MIB1: variants seen among roughly 807,000 people sequenced by gnomAD.
MIB1 encodes the protein E3 ubiquitin-protein ligase MIB1.
A neutral mutation model predicts 124.5 loss-of-function variants in MIB1; 278 were observed. That is an observed-to-expected ratio of 2.23 (90% CI 2.02 to 2.47). MIB1 has a LOEUF of 2.47. Among genes scored for constraint, MIB1 ranks in the 30% most tolerant of loss-of-function variants. MIB1 has a pLI of 0.00. For synonymous variants in MIB1, 446 were observed against 429.4 expected, an observed-to-expected ratio of 1.04 and a Z score of -0.48; for missense variants, 957 against 1,254.4, an observed-to-expected ratio of 0.76 and a Z score of 3.58.
chr18:21,848,186 G>T (rs758937411), intron 16 of MIB1, among the ~76,000 whole-genome samples: 5 of 152,188 alleles, frequency 3.3e-5, no homozygotes, highest in Non-Finnish European at 5.9e-5. Context: ...TCGGCCGGGC[G>T]TGGTGGCTCA....
At chr18:21,708,838 A>G (rs1360568728) in intron 1 of MIB1, among the ~76,000 whole-genome samples, 1 of 152,190 alleles carries the variant, frequency 6.6e-6, no homozygotes, top group Non-Finnish European at 1.5e-5. Context: ...TACATTACAA[A>G]AAGTGTGGTG....
chr18:21,723,510 C>T (rs2040723931), intron 1 of MIB1, among the ~76,000 whole-genome samples: 1 of 151,952 alleles, frequency 6.6e-6, no homozygotes, highest in African/African-American at 2.4e-5. Context: ...TGTGTATATA[C>T]ATATCTATAA....
At chr18:21,791,998 A>G (rs1461718966) in intron 7 of MIB1, among the ~76,000 whole-genome samples, 1 of 152,212 alleles carries the variant, frequency 6.6e-6, no homozygotes, top group Non-Finnish European at 1.5e-5. Context: ...AAAGAGCTAC[A>G]GTTTTTTATT....
chr18:21,864,599 G>C lies in MIB1; in HGVS notation c.2954G>C (p.Cys985Ser). 6.2e-7 allele frequency: 1 copy of C among 1,613,612 alleles called. No homozygotes were observed. Among genetic ancestry groups the C allele is most frequent in the Non-Finnish European group, 8.5e-7 (1 of 1,179,540 alleles). Residue 985 changes from cysteine (C) to serine (S), a missense_variant, in exon 21 of 21, where the codon TGT becomes TCT. Coordinates refer to ENST00000261537, the MANE Select transcript of MIB1 (RefSeq NM_020774.4). Reference protein sequence around the residue: ...FLCGHGTCQLCGDRMSECPIC... With the variant: ...FLCGHGTCQLSGDRMSECPIC... ...TGTGGTCACGGAACCTGTCAACTCT[G>C]TGGAGACCGCATGAGTGAATGTCCT... is the stretch of plus-strand genomic sequence containing the variant.
upstream of MIB1, among the ~76,000 whole-genome samples, chr18:21,737,284 CCTT>C: frequency 6.6e-6 from 1 of 152,208 alleles, no homozygotes; most frequent in East Asian, 1.9e-4. Flanking sequence ...GCCAAACTAA[CCTT>C]CATAAGCAAA....
chr18:21,851,384 TGATTTTTAAATTATGAAA>T (rs2042178749), intron 17 of MIB1, among the ~76,000 whole-genome samples: 1 of 152,172 alleles, frequency 6.6e-6, no homozygotes, highest in Non-Finnish European at 1.5e-5. Flanking sequence ...GCTTGCAATT[TGATTTTTAAATTATGAAA>T]GTTTTATAAT....
At chr18:21,814,989 C>A in intron 10 of MIB1, among the ~76,000 whole-genome samples, 1 of 115,470 alleles carries the variant, frequency 8.7e-6, no homozygotes, top group Non-Finnish European at 1.7e-5. Context: ...ATGAGGAATG[C>A]TGAAAGTTCA....
At position 21,709,824 on chromosome 18, in the gene MIB1, G is replaced by A. The variant is rs140583099; in HGVS notation, n.167+4701G>A. ...AAAAGACTTCCTGACAGAGATGTGA[G>A]CAAAGACCTAGATAAGAAGAGATGA... On this transcript the variant is annotated intron_variant and non_coding_transcript_variant, in intron 1 of 20. Transcript: ENST00000578646. Among the ~76,000 whole-genome samples the A allele has an allele frequency of 7.3e-3, 1,105 of 152,314 alleles. 6 individuals are homozygous for A. Among genetic ancestry groups the A allele is most frequent in the Non-Finnish European group, 0.011 (757 of 68,028 alleles).
chr18:21,843,203 AC>A lies in MIB1; in HGVS notation c.2038del (p.Gln680ArgfsTer28). On this transcript the variant is annotated frameshift_variant, in exon 14 of 21. Transcript: ENST00000261537. LOFTEE classifies it high-confidence loss of function. Reference protein sequence around the residue: ...ALHLAVERQHTQIVRLLVRAG... With the variant: ...ALHLAVERQHXQIVRLLVRAG... Reference sequence around the variant, plus strand: ...ACACCTTGCTGTTGAACGACAGCATACCCAGATTGTTAGGGTAAAGTATTGA... The same window carrying A: ...ACACCTTGCTGTTGAACGACAGCATACCAGATTGTTAGGGTAAAGTATTGA... 6.3e-7 allele frequency: 1 copy of A among 1,589,066 alleles called. No individual in the cohort carries two copies. Among genetic ancestry groups the A allele is most frequent in the African/African-American group, 1.4e-5 (1 of 73,710 alleles).
At chr18:21,859,148 G>A (rs2042252518) in intron 20 of MIB1, among the ~76,000 whole-genome samples, 1 of 152,224 alleles carries the variant, frequency 6.6e-6, no homozygotes, top group African/African-American at 2.4e-5. Flanking sequence ...AGTGGTTCAT[G>A]CCTGCAATCT....
At chr18:21,850,076 A>G (rs1043974659) in intron 17 of MIB1, among the ~76,000 whole-genome samples, 10 of 152,114 alleles carry the variant, frequency 6.6e-5, no homozygotes, top group African/African-American at 1.9e-4. Flanking sequence ...GCCAAAATCT[A>G]TATCTACTCT....
intron 1 of MIB1, among the ~76,000 whole-genome samples, chr18:21,715,935 A>G (rs993316549): frequency 1.4e-4 from 22 of 152,344 alleles, no homozygotes; most frequent in African/African-American, 5.1e-4. Flanking sequence ...TTTGGAAAAC[A>G]TATTTGGGGG....
rs781764643 is a variant in MIB1, at chr18:21,858,597, A to G, written c.2831A>G (p.Asn944Ser). 20 of 1,604,858 alleles carry G rather than the reference A, an allele frequency of 1.2e-5. No individual in the cohort carries two copies. Among genetic ancestry groups the G allele is most frequent in the Admixed American group, 3.3e-5 (2 of 59,970 alleles). The part of the protein sequence containing the change: ...LQKDKDNTNV[N>S]ADVQKLQQQL... Reference sequence around the variant, plus strand: ...AAGGACAAGGATAATACCAATGTCAATGCAGATGTGCAAAAGTTGCAGCAA... The same window carrying G: ...AAGGACAAGGATAATACCAATGTCAGTGCAGATGTGCAAAAGTTGCAGCAA... Residue 944 changes from asparagine to serine, a missense_variant, in exon 20 of 21, where the codon AAT becomes AGT. Transcript: ENST00000261537.
chr18:21,843,717 G>T (rs1012343231), intron 14 of MIB1, among the ~76,000 whole-genome samples: 4 of 152,108 alleles, frequency 2.6e-5, no homozygotes, highest in Non-Finnish European at 4.4e-5. Context: ...CATAATAGAA[G>T]AATTTTGAAC....
At chr18:21,805,364 T>G (rs748806178) in intron 10 of MIB1, among the ~76,000 whole-genome samples, 2 of 152,226 alleles carry the variant, frequency 1.3e-5, no homozygotes, top group African/African-American at 2.4e-5. Context: ...ACAATAGTTT[T>G]ATTACTATGA....
intron 10 of MIB1, among the ~76,000 whole-genome samples, chr18:21,815,203 CT>C (rs1166737969): frequency 2.6e-5 from 4 of 151,344 alleles, no homozygotes; most frequent in Admixed American, 6.6e-5. Context: ...GGGTCTCACT[CT>C]GTTGCCCCGG....
chr18:21,778,253 A>T, intron 5 of MIB1, 84 bp downstream of exon 5: 3 of 1,001,262 alleles, frequency 3.0e-6, no homozygotes, highest in Non-Finnish European at 4.6e-6. Context: ...GATGTTAGAA[A>T]AGTTAATTAC....
At chr18:21,819,692 C>A (rs546141425) in intron 12 of MIB1, 46 bp downstream of exon 12, 11 of 1,330,638 alleles carry the variant, frequency 8.3e-6, no homozygotes, top group Non-Finnish European at 9.0e-6. Flanking sequence ...AAATATTTTC[C>A]TACTGTTGAT....
intron 11 of MIB1, among the ~76,000 whole-genome samples, chr18:21,817,201 G>C (rs368175499): frequency 9.3e-6 from 1 of 107,408 alleles, no homozygotes; most frequent in African/African-American, 3.8e-5. Flanking sequence ...TTGCTCTGTT[G>C]CCCAGGCTGG....
Sources: gnomAD v4.1 joint callset for allele counts (sites outside exome capture counted in the v4.1 genomes callset) on GRCh38, gnomAD v4.1.1 for gene constraint, MANE v1.5 for transcripts, NCBI Gene and HGNC (gene_info 2026-07-23, HGNC 2026-07-21) for gene names.